ZBBX: variants seen among roughly 807,000 people sequenced by gnomAD.
The protein encoded by ZBBX is zinc finger B-box domain containing.
Under a neutral mutation model 108.5 loss-of-function variants are expected in ZBBX, and 101 were observed. The observed-to-expected ratio is 0.93, with a 90% CI of 0.79 to 1.10. The LOEUF is 1.10. ZBBX is among the 50% of genes least tolerant of loss of function. The probability of loss-of-function intolerance (pLI) is 0.00; values close to 1 mark genes in which losing one functional copy is unlikely to be tolerated. For missense variants in ZBBX, 1,009 were observed against 941.4 expected, an observed-to-expected ratio of 1.07 and a Z score of -0.94; for synonymous variants, 356 against 323.4, an observed-to-expected ratio of 1.10 and a Z score of -1.08.
chr3:167,222,201 C>T, the ZBBX span, among the ~76,000 whole-genome samples: 1 of 133,162 alleles, frequency 7.5e-6, no homozygotes, highest in Non-Finnish European at 1.6e-5. Flanking sequence ...GGCACATATA[C>T]ATAATGGAGT....
At chr3:167,186,494 C>T in the ZBBX span, among the ~76,000 whole-genome samples, 1 of 152,078 alleles carries the variant, frequency 6.6e-6, no homozygotes, top group East Asian at 1.9e-4. Context: ...TTTTAAGAGG[C>T]AGATCTGAAA....
rs79767302 is a variant in ZBBX at position 167,274,859 on chromosome 3, C to A, written c.2254+7379G>T. 2.5e-3 allele frequency among the ~76,000 whole-genome samples: 376 copies of A among 152,242 alleles called. 2 individuals carry two copies. The highest frequency in any genetic ancestry group is 8.5e-3 in the African/African-American group (354 of 41,540). On this transcript the variant is annotated intron_variant, in intron 20 of 21. Transcript: ENST00000675490. The stretch of plus-strand genomic sequence containing the variant: ...GGGAAGGACACAGAGATAGGGATCG[C>A]GTTAAGGATATAAAAACCCCCTGGT...
chr3:167,324,569 A>C (rs1259779395), intron 11 of ZBBX, among the ~76,000 whole-genome samples: 7 of 151,800 alleles, frequency 4.6e-5, no homozygotes, highest in African/African-American at 1.7e-4. Context: ...AGTAGGCTGC[A>C]TGACTTTTTC....
At position 167,282,363 on chromosome 3, in the gene ZBBX, G is replaced by C. The variant is rs1447446453; in HGVS notation, c.2129C>G (p.Ser710Cys). 2 of 1,614,070 alleles carry C rather than the reference G, an allele frequency of 1.2e-6. No homozygotes were observed. Among genetic ancestry groups the C allele is most frequent in the African/African-American group, 2.7e-5 (2 of 75,022 alleles). ...AAAQSSSRAASEISEIEYIDI... is the reference protein window; with the variant it reads ...AAAQSSSRAACEISEIEYIDI... ...AATATATTCAATTTCTGAAATTTCA[G>C]AAGCAGCTCTAGATGATGATTGAGC... Residue 710 changes from serine (S) to cysteine (C), a missense_variant, in exon 20 of 22, where the codon TCT (serine) becomes TGT (cysteine). Transcript: ENST00000675490.
At chr3:167,222,535 C>A in the ZBBX span, among the ~76,000 whole-genome samples, 4 of 151,026 alleles carry the variant, frequency 2.6e-5, no homozygotes, top group African/African-American at 4.9e-5. Context: ...ACTATGTCAA[C>A]AATTTATTGT....
chr3:167,392,427 G>C (rs929929891), intron 1 of ZBBX, among the ~76,000 whole-genome samples: 1 of 151,744 alleles, frequency 6.6e-6, no homozygotes, highest in African/African-American at 2.4e-5. Context: ...AATTTCTCTT[G>C]AGTAAACATC....
At position 167,242,585 on chromosome 3, in the gene ZBBX, T is replaced by C. The variant is rs767602444; in HGVS notation, c.2313A>G (p.Gln771=). ...TSEEFPDFSS[Q]SLNISQISTD... is the part of the protein sequence containing the mutation. ...TGGAAATCTGACTTATATTCAGTGA[T>C]TGGCTGCTGAAATCTGGGAACTCTT... The change falls in exon 21 of 22, where the codon CAA becomes CAG. Residue 771 remains glutamine (Q), a synonymous_variant. Coordinates refer to ENST00000675490, the MANE Select transcript of ZBBX (RefSeq NM_001199201.2). 1.9e-6 allele frequency: 3 copies of C among 1,613,812 alleles called. No homozygotes were observed. Among genetic ancestry groups the C allele is most frequent in the South Asian group, 2.2e-5 (2 of 91,064 alleles).
intron 1 of ZBBX, among the ~76,000 whole-genome samples, chr3:167,385,843 T>C (rs1747907137): frequency 6.6e-6 from 1 of 152,048 alleles, no homozygotes; most frequent in South Asian, 2.1e-4. Context: ...TGACTGAAAC[T>C]TACATGGTGC....
intron 8 of ZBBX, among the ~76,000 whole-genome samples, chr3:167,359,441 G>T (rs1160457372): frequency 6.6e-6 from 1 of 152,018 alleles, no homozygotes; most frequent in East Asian, 1.9e-4. Context: ...TAAAAAAATA[G>T]ACAATGGGAG....
intron 10 of ZBBX, among the ~76,000 whole-genome samples, chr3:167,331,809 A>G (rs1007057872): frequency 1.3e-5 from 2 of 152,218 alleles, no homozygotes; most frequent in African/African-American, 4.8e-5. Context: ...AGGAGAAAAC[A>G]GAAGAGCAAA....
At chr3:167,328,617 C>T (rs1022543036) in intron 10 of ZBBX, among the ~76,000 whole-genome samples, 1 of 152,138 alleles carries the variant, frequency 6.6e-6, no homozygotes, top group Admixed American at 6.6e-5. Context: ...TTGCCTTTTA[C>T]TTTACCTCCT....
chr3:167,197,933 A>C, the ZBBX span, among the ~76,000 whole-genome samples: 2 of 152,236 alleles, frequency 1.3e-5, no homozygotes, highest in African/African-American at 4.8e-5. Context: ...TAGGAAATAG[A>C]TAAGAAGCCT....
At chr3:167,356,244 G>C (rs549642919) in intron 8 of ZBBX, among the ~76,000 whole-genome samples, 2 of 151,998 alleles carry the variant, frequency 1.3e-5, no homozygotes, top group South Asian at 2.1e-4. Context: ...CAAATTTCTG[G>C]ACAGCAATTT....
the ZBBX span, among the ~76,000 whole-genome samples, chr3:167,188,570 T>A: frequency 6.6e-6 from 1 of 152,214 alleles, no homozygotes; most frequent in African/African-American, 2.4e-5. Flanking sequence ...AAAATATTTA[T>A]CACCATGTTA....
At chr3:167,303,146 G>A (rs1448857132) in intron 17 of ZBBX, among the ~76,000 whole-genome samples, 1 of 152,112 alleles carries the variant, frequency 6.6e-6, no homozygotes, top group African/African-American at 2.4e-5. Flanking sequence ...TTCCTTTGAT[G>A]CATTTATTTC....
chr3:167,346,104 G>A (rs763873869), intron 9 of ZBBX, among the ~76,000 whole-genome samples: 50 of 151,866 alleles, frequency 3.3e-4, no homozygotes, highest in Non-Finnish European at 5.5e-4. Context: ...AAAGGAAATA[G>A]GAATGCCTGA....
intron 2 of ZBBX, among the ~76,000 whole-genome samples, chr3:167,376,858 T>A (rs1747040641): frequency 1.3e-5 from 2 of 152,200 alleles, no homozygotes; most frequent in Admixed American, 1.3e-4. Flanking sequence ...TTTCCTTTTG[T>A]AAAGCCAACA....
chr3:167,389,117 C>T (rs1349752865), intron 1 of ZBBX, among the ~76,000 whole-genome samples: 2 of 151,886 alleles, frequency 1.3e-5, no homozygotes, highest in Non-Finnish European at 2.9e-5. Flanking sequence ...TCCTAATGTT[C>T]TCCCTCCCCT....
At chr3:167,217,171 C>T in the ZBBX span, among the ~76,000 whole-genome samples, 2 of 152,110 alleles carry the variant, frequency 1.3e-5, no homozygotes, top group Admixed American at 1.3e-4. Context: ...AAGCTATCAA[C>T]AGAGTAAACA....
Sources: gnomAD v4.1 joint callset for allele counts (sites outside exome capture counted in the v4.1 genomes callset) on GRCh38, gnomAD v4.1.1 for gene constraint, MANE v1.5 for transcripts, NCBI Gene and HGNC (gene_info 2026-07-23, HGNC 2026-07-21) for gene names.